The following ACSS1 variants were observed in gnomAD, a reference collection of about 807,000 sequenced individuals.
ACSS1 encodes the protein acetyl-coenzyme A synthetase 2-like, mitochondrial.
In ACSS1, 42 loss-of-function variants were observed where a neutral mutation model predicts 75.3. The observed-to-expected ratio is 0.56, with a 90% CI of 0.44 to 0.72. ACSS1 has a LOEUF of 0.72. Among genes scored for constraint, ACSS1 ranks in the 30% least tolerant of loss-of-function variants. ACSS1 has a pLI of 0.00. For missense variants in ACSS1, 782 were observed against 935.7 expected (o/e 0.84, Z 2.14); for synonymous variants, 380 against 376.8 (o/e 1.01, Z -0.10).
In ACSS1 at chr20:25,007,670, G is replaced by T; in HGVS notation, c.*92C>A. On this transcript the variant is annotated 3_prime_UTR_variant, in exon 14 of 14. Transcript: ENST00000323482. ...GTGGGGTGGGGGCTGCTTCTGGGAC[G>T]TAGGAAGACGCCAACCTCAGGGGTA... 1 of 1,544,712 alleles carries T rather than the reference G, an allele frequency of 6.5e-7. No homozygotes were observed. The highest frequency in any genetic ancestry group is 8.7e-7 in the Non-Finnish European group (1 of 1,148,182).
intron 2 of ACSS1, among the ~76,000 whole-genome samples, chr20:25,033,286 G>A (rs1247619744): frequency 6.6e-6 from 1 of 152,206 alleles, no homozygotes; most frequent in Non-Finnish European, 1.5e-5. Flanking sequence ...TGCAGACGGA[G>A]GGCAGCAATC....
At chr20:25,016,419 A>G (rs1363366359) in intron 7 of ACSS1, among the ~76,000 whole-genome samples, 1 of 152,198 alleles carries the variant, frequency 6.6e-6, no homozygotes, top group Non-Finnish European at 1.5e-5. Context: ...ATATGTGTAC[A>G]CCCTAGGATT....
At chr20:25,022,789 G>C in intron 5 of ACSS1, 151 bp downstream of exon 5, 1 of 1,104,372 alleles carries the variant, frequency 9.1e-7, no homozygotes, top group African/African-American at 1.6e-5. Flanking sequence ...CTGTAGGGTG[G>C]GAGGACTCGA....
intron 7 of ACSS1, among the ~76,000 whole-genome samples, chr20:25,016,395 T>C (rs529172211): frequency 2.0e-5 from 3 of 152,280 alleles, no homozygotes; most frequent in Admixed American, 6.5e-5. Flanking sequence ...TATATCTCAA[T>C]AGAAAGGAAG....
chr20:25,032,303 G>A, intron 2 of ACSS1: 1 of 1,268,630 alleles, frequency 7.9e-7, no homozygotes. Flanking sequence ...ACCCAACCTG[G>A]TCCAGTCAGA....
In ACSS1 at chr20:25,048,094, A is replaced by T. The variant is rs1249853329; in HGVS notation, c.422T>A (p.Ile141Asn). The stretch of plus-strand genomic sequence containing the variant: ...TTCGAGGGCACAGTACCTGTAGGTG[A>T]TCCTCACTTCCGTTCCAGGCTCATC... ...ERDEPGTEVR[I>N]TYRELLETTC... Residue 141 changes from isoleucine (I) to asparagine (N), a missense_variant, in exon 2 of 14, where the codon ATC becomes AAC. Transcript: ENST00000323482. 2.5e-6 allele frequency: 4 copies of T among 1,613,520 alleles called. No individual in the cohort carries two copies. The highest frequency in any genetic ancestry group is 3.4e-6 in the Non-Finnish European group (4 of 1,179,908).
rs776175063 is a variant in ACSS1, at chr20:25,030,950, A to G, written c.440T>C (p.Leu147Pro). 1 of 1,614,094 alleles carries G rather than the reference A, an allele frequency of 6.2e-7. No homozygotes were observed. The highest frequency in any genetic ancestry group is 8.5e-7 in the Non-Finnish European group (1 of 1,179,966). ...TEVRITYREL[L>P]ETTCRLANTL... is the part of the protein sequence containing the mutation. Reference sequence around the variant, plus strand: ...GTTGGCCAGGCGGCACGTGGTCTCCAGTAGTTCCCTGCAGCACAGGGAAGA... The same window carrying G: ...GTTGGCCAGGCGGCACGTGGTCTCCGGTAGTTCCCTGCAGCACAGGGAAGA... The change falls in exon 3 of 14, where the codon CTG becomes CCG. Residue 147 changes from leucine to proline, a missense_variant. Physicochemically the swap from Leu to Pro is moderately conservative, Grantham distance 98 (BLOSUM62 -3). This residue lies in a region of ACSS1 where 377 missense variants were observed against 383.1 expected (regional missense o/e 0.98). Coordinates refer to ENST00000323482, the MANE Select transcript of ACSS1 (RefSeq NM_032501.4).
rs543933110 is a variant in ACSS1 at position 25,006,643 on chromosome 20, C to T, written c.*1119G>A. 2.7e-4 allele frequency: 174 copies of T among 650,976 alleles called. No homozygotes were observed. Among genetic ancestry groups the T allele is most frequent in the Admixed American group, 4.7e-4 (15 of 32,180 alleles). The allele number at this position is 650,976 out of a possible 1,614,324, so 40.3% of individuals were successfully genotyped here. ...GGCTCACTGGGCCTCCTTCCCCTGC[C>T]AACCGCCAGCCCCTGCATGCCTAGC... On this transcript the variant is annotated 3_prime_UTR_variant, in exon 14 of 14. Coordinates refer to ENST00000323482, the MANE Select transcript of ACSS1 (RefSeq NM_032501.4).
rs746111522 is a variant in ACSS1, at chr20:25,007,066, C to T, written c.*696G>A. The stretch of plus-strand genomic sequence containing the variant: ...CCGCTTAGGAGTTAGCTCCATTATA[C>T]ACAACCAAGCACAGGAGAAACACTC... On this transcript the variant is annotated 3_prime_UTR_variant, in exon 14 of 14. Coordinates refer to ENST00000323482, the MANE Select transcript of ACSS1 (RefSeq NM_032501.4). 8.0e-5 allele frequency: 116 copies of T among 1,446,244 alleles called. No homozygotes were observed. Among genetic ancestry groups the T allele is most frequent in the Non-Finnish European group, 7.2e-5 (79 of 1,104,016 alleles). 89.6% of individuals were successfully genotyped at this position (1,446,244 alleles called of 1,614,324 possible).
At chr20:25,025,367 C>T (rs573349596) in intron 3 of ACSS1, among the ~76,000 whole-genome samples, 1 of 152,364 alleles carries the variant, frequency 6.6e-6, no homozygotes, top group East Asian at 1.9e-4. Context: ...TGGGCCACAG[C>T]ATGGGTGCTG....
intron 7 of ACSS1, among the ~76,000 whole-genome samples, chr20:25,017,832 G>C (rs1237300787): frequency 6.6e-6 from 1 of 152,218 alleles, no homozygotes; most frequent in Non-Finnish European, 1.5e-5. Context: ...AATCCCATGA[G>C]TGTATCTGGA....
rs770360735 is a variant in ACSS1 at position 25,023,644 on chromosome 20, AAC to A, written c.632-5_632-4del. 21 of 1,593,486 alleles carry A rather than the reference AAC, an allele frequency of 1.3e-5. No individual in the cohort carries two copies. The highest frequency in any genetic ancestry group is 1.7e-4 in the Middle Eastern group (1 of 5,980). ...GGTGATAACCACCTTGCACTTGGCT[AAC>A]AGAGACAACACAGACATTTCTGATC... On this transcript the variant is annotated splice_polypyrimidine_tract_variant and splice_region_variant and intron_variant, in intron 3 of 13. Coordinates refer to ENST00000323482, the MANE Select transcript of ACSS1 (RefSeq NM_032501.4).
rs1600336466 is a variant in ACSS1, at chr20:25,037,032, A to AAG, written c.432-6075_432-6074insCT. ...AGGAAGGAAGGAAGGAAGGAAGGAAAGAAAGAAAGAGGGAAAGAAAGAAAT... is the reference window on the plus strand; with the variant it reads ...AGGAAGGAAGGAAGGAAGGAAGGAAAAGGAAAGAAAGAGGGAAAGAAAGAAAT... On this transcript the variant is annotated intron_variant, in intron 2 of 13. Coordinates refer to ENST00000323482, the MANE Select transcript of ACSS1 (RefSeq NM_032501.4). Among the ~76,000 whole-genome samples, 4 of 100,104 alleles carry AAG rather than the reference A, an allele frequency of 4.0e-5. No homozygotes were observed. In the East Asian group the frequency reaches 1.0e-3, roughly 26 times the overall value. The allele number at this position is 100,104 out of a possible 152,430, so 65.7% of individuals were successfully genotyped here. A position where few individuals can be genotyped will look rare whatever the true frequency, so the allele number is the denominator to read the frequency against.
chr20:25,007,299 C>T lies in ACSS1; in HGVS notation c.*463G>A, dbSNP rs996770259. The T allele has an allele frequency of 8.2e-5, 91 of 1,105,156 alleles. No individual in the cohort carries two copies. The African/African-American group carries it at 1.3e-3, about 16-fold the overall frequency. The allele number at this position is 1,105,156 out of a possible 1,614,324, so 68.5% of individuals were successfully genotyped here. ...CATGTTCAAGTAAATCCACACACTA[C>T]ATGTGAGTGTTGCATGCTGTTCTTC... On this transcript the variant is annotated 3_prime_UTR_variant, in exon 14 of 14. Transcript: ENST00000323482.
At position 25,006,670 on chromosome 20, in the gene ACSS1, G is replaced by A; in HGVS notation, c.*1092C>T. 1 of 822,930 alleles carries A rather than the reference G, an allele frequency of 1.2e-6. No individual in the cohort carries two copies. Among genetic ancestry groups the A allele is most frequent in the Non-Finnish European group, 1.8e-6 (1 of 551,770 alleles). 51.0% of individuals were successfully genotyped at this position (822,930 alleles called of 1,614,324 possible). A position where few individuals can be genotyped will look rare whatever the true frequency, so the allele number is the denominator to read the frequency against. On this transcript the variant is annotated 3_prime_UTR_variant, in exon 14 of 14. Transcript: ENST00000323482. ...ACCGCCAGCCCCTGCATGCCTAGCAGGGAGGTAAGCACCCACTGGCGTCGT... is the reference window on the plus strand; with the variant it reads ...ACCGCCAGCCCCTGCATGCCTAGCAAGGAGGTAAGCACCCACTGGCGTCGT...
intron 3 of ACSS1, among the ~76,000 whole-genome samples, chr20:25,028,191 A>C (rs2088760605): frequency 6.6e-6 from 1 of 152,186 alleles, no homozygotes. Flanking sequence ...ATACCTTCCA[A>C]TTTTTCTACA....
At chr20:25,023,683 G>A (rs770964790) in intron 3 of ACSS1, 42 bp from the exon 4 acceptor site, 34 of 1,535,180 alleles carry the variant, frequency 2.2e-5, no homozygotes, top group East Asian at 9.1e-5. Flanking sequence ...GTCTCCTCCC[G>A]ACTTTAACCC....
rs73348704 is a variant in ACSS1 at position 25,047,523 on chromosome 20, A to G, written c.431+562T>C. Among the ~76,000 whole-genome samples, 682 of 152,300 alleles carry G rather than the reference A, an allele frequency of 4.5e-3. 4 individuals carry two copies. The highest frequency in any genetic ancestry group is 0.016 in the African/African-American group (667 of 41,560). ...CAGTGAAGACTTGCTAAGTAATTGG[A>G]CAAGAAGACCCTGGAGCTGCCCCCA... On this transcript the variant is annotated intron_variant, in intron 2 of 13. Transcript: ENST00000323482.
rs1475566768 is a variant in ACSS1, at chr20:25,039,961, C to T, written c.431+8124G>A. ...GCAGGCTGGCAGCCCAGGACAAGAG[C>T]ACACTGGGGGACTGGAGTCCTGGAA... is the stretch of plus-strand genomic sequence containing the variant. On this transcript the variant is annotated intron_variant, in intron 2 of 13. Transcript: ENST00000323482. Among the ~76,000 whole-genome samples, 3 of 152,256 alleles carry T rather than the reference C, an allele frequency of 2.0e-5. No individual in the cohort carries two copies. In the East Asian group the frequency reaches 5.8e-4, roughly 29 times the overall value.
Sources: allele counts gnomAD v4.1 joint callset (sites outside exome capture counted in the v4.1 genomes callset), GRCh38; gene constraint gnomAD v4.1.1; regional missense constraint gnomAD v4.1.1; transcripts MANE v1.5; gene names NCBI Gene and HGNC (gene_info 2026-07-23, HGNC 2026-07-21).